The following STRA6 variants were observed in gnomAD, a reference collection of about 807,000 sequenced individuals.
STRA6 encodes signaling receptor and transporter of retinol STRA6.
Under a neutral mutation model 83.6 loss-of-function variants are expected in STRA6, and 48 were observed. That is an observed-to-expected ratio of 0.57 (90% confidence interval 0.46 to 0.73). STRA6 has a LOEUF of 0.73. STRA6 is among the 30% of genes least tolerant of loss of function. The probability of loss-of-function intolerance (pLI) is 0.00; values close to 1 mark genes in which losing one functional copy is unlikely to be tolerated. For missense variants in STRA6, 760 were observed against 838.8 expected (o/e 0.91, Z 1.16); for synonymous variants, 353 against 362.3 (o/e 0.97, Z 0.29).
chr15:74,187,811 T>C lies in STRA6; in HGVS notation c.1090+1304A>G, dbSNP rs115157946. Among the ~76,000 whole-genome samples the C allele has an allele frequency of 3.7e-3, 563 of 152,322 alleles. 3 individuals are homozygous for C. Among genetic ancestry groups the C allele is most frequent in the African/African-American group, 0.011 (478 of 41,566 alleles). ...AAACTGCAACATGCAATTAAAAATA[T>C]AAGACATGATGAGTGGAAGCAGAGT... On this transcript the variant is annotated intron_variant, in intron 12 of 18. Coordinates refer to ENST00000395105, the MANE Select transcript of STRA6 (RefSeq NM_022369.4).
intron 2 of STRA6, among the ~76,000 whole-genome samples, chr15:74,198,482 C>T (rs2073922120): frequency 6.6e-6 from 1 of 152,188 alleles, no homozygotes; most frequent in Middle Eastern, 3.2e-3. Flanking sequence ...GCCCCTCTGA[C>T]TGCTCCTGGT....
intron 8 of STRA6, among the ~76,000 whole-genome samples, chr15:74,192,398 C>T (rs2073592233): frequency 6.6e-6 from 1 of 152,148 alleles, no homozygotes; most frequent in South Asian, 2.1e-4. Flanking sequence ...CTCAGAACTC[C>T]CTGCCTGCCA....
intron 2 of STRA6, among the ~76,000 whole-genome samples, chr15:74,199,598 A>T (rs970510620): frequency 1.3e-5 from 2 of 152,144 alleles, no homozygotes; most frequent in African/African-American, 4.8e-5. Context: ...ACCTTACCCC[A>T]AACCACCCCT....
chr15:74,185,091 G>T, intron 12 of STRA6, 36 bp from the exon 13 acceptor site: 1 of 1,606,536 alleles, frequency 6.2e-7, no homozygotes, highest in South Asian at 1.1e-5. Flanking sequence ...GAGAGGTCAG[G>T]GTCTGGAGAG....
upstream of STRA6, chr15:74,203,007 C>G (rs1169480749): frequency 3.0e-6 from 3 of 986,272 alleles, no homozygotes; most frequent in Admixed American, 6.1e-5. Flanking sequence ...ACATACCTGC[C>G]TTCAGCGCCT....
chr15:74,205,766 C>T (rs150762459), upstream of STRA6, among the ~76,000 whole-genome samples: 29 of 152,336 alleles, frequency 1.9e-4, no homozygotes, highest in Non-Finnish European at 3.4e-4. Context: ...ACGGAGAGCC[C>T]AGTGCCAACA....
At chr15:74,194,321 T>C (rs2073705210) in intron 7 of STRA6, 2 of 1,147,584 alleles carry the variant, frequency 1.7e-6, no homozygotes, top group African/African-American at 1.6e-5. Context: ...ATCAGGAAAG[T>C]CTATGCCCTA....
At chr15:74,196,187 A>T in intron 4 of STRA6, 40 bp from the exon 5 acceptor site, 1 of 1,610,544 alleles carries the variant, frequency 6.2e-7, no homozygotes, top group Non-Finnish European at 8.5e-7. Context: ...GGAGTTGCTC[A>T]GCCCCTGCAC....
chr15:74,209,059 C>G (rs2074326967), upstream of STRA6: 2 of 1,209,492 alleles, frequency 1.7e-6, no homozygotes, highest in Non-Finnish European at 2.1e-6. Context: ...CTCCCCCCTT[C>G]TCCAGTCTGG....
intron 17 of STRA6, 48 bp from the exon 18 acceptor site, chr15:74,180,985 T>C (rs1479365211): frequency 1.2e-6 from 2 of 1,608,850 alleles, no homozygotes; most frequent in Non-Finnish European, 1.7e-6. Context: ...GGGGCCACAC[T>C]GGAGGCATCC....
chr15:74,182,481 AG>A (rs1380354029), intron 14 of STRA6, 21 bp from the exon 15 acceptor site: 1 of 1,584,924 alleles, frequency 6.3e-7, no homozygotes, highest in Non-Finnish European at 8.6e-7. Context: ...CGGGAGTGGC[AG>A]GGGGACAGAA....
At chr15:74,192,827 A>C (rs2073613767) in intron 8 of STRA6, among the ~76,000 whole-genome samples, 1 of 152,092 alleles carries the variant, frequency 6.6e-6, no homozygotes, top group Non-Finnish European at 1.5e-5. Context: ...CTCTCTCACC[A>C]GAAAGAAGTA....
chr15:74,211,190 C>CT (rs2074364292), upstream of STRA6, among the ~76,000 whole-genome samples: 2 of 151,000 alleles, frequency 1.3e-5, no homozygotes, highest in Admixed American at 1.3e-4. Flanking sequence ...CACCTCACTG[C>CT]TTTTTCCCCC....
At position 74,197,245 on chromosome 15, in the gene STRA6, T is replaced by C. The variant is rs1595856079; in HGVS notation, c.266+93A>G. 3.3e-5 allele frequency: 29 copies of C among 888,006 alleles called. No individual in the cohort carries two copies. The East Asian group carries it at 7.7e-4, about 24-fold the overall frequency. 55.0% of individuals were successfully genotyped at this position (888,006 alleles called of 1,614,324 possible). On this transcript the variant is annotated intron_variant, in intron 4 of 18. Transcript: ENST00000395105. ...ATAGGGATGTCATTAAAGCCAGAGC[T>C]GCCTTTTAGGTACCTAACAAATCAC...
intron 12 of STRA6, among the ~76,000 whole-genome samples, chr15:74,185,556 TG>T (rs2073205255): frequency 6.6e-6 from 1 of 152,216 alleles, no homozygotes; most frequent in Non-Finnish European, 1.5e-5. Flanking sequence ...TCCACATCGG[TG>T]TGGACTGAGT....
chr15:74,196,365 C>G (rs1358935362), intron 4 of STRA6: 1 of 705,196 alleles, frequency 1.4e-6, no homozygotes, highest in East Asian at 2.9e-5. Context: ...GACACACATA[C>G]AGTGGGAAGA....
intron 11 of STRA6, among the ~76,000 whole-genome samples, chr15:74,190,075 C>T (rs1660112554): frequency 6.6e-6 from 1 of 152,162 alleles, no homozygotes; most frequent in Non-Finnish European, 1.5e-5. Context: ...CATCGTATAT[C>T]AGAAATTTGA....
intron 11 of STRA6, among the ~76,000 whole-genome samples, chr15:74,189,659 A>T (rs73431471): frequency 0.022 from 3,391 of 151,558 alleles, 139 homozygotes; most frequent in African/African-American, 0.077. Flanking sequence ...CAGTAGGACA[A>T]CTTCTTCTTT....
Position 74,202,651 on chromosome 15 carries a change from C to T in STRA6, c.-16+62G>A, listed in dbSNP as rs2074133780. The T allele has an allele frequency of 1.4e-5, 20 of 1,403,280 alleles. No homozygotes were observed. The South Asian group carries it at 3.5e-4, about 24-fold the overall frequency. The allele number at this position is 1,403,280 out of a possible 1,614,324, so 86.9% of individuals were successfully genotyped here. ...AAGAAGGCTTGTCCAGTCTGAGCTG[C>T]CTAAAGAGACGCCCCTTCCTTCCCC... is the stretch of plus-strand genomic sequence containing the variant. On this transcript the variant is annotated intron_variant, in intron 1 of 18. Coordinates refer to ENST00000395105, the MANE Select transcript of STRA6 (RefSeq NM_022369.4).
Sources: allele counts gnomAD v4.1 joint callset (sites outside exome capture counted in the v4.1 genomes callset), GRCh38; gene constraint gnomAD v4.1.1; transcripts MANE v1.5; gene names NCBI Gene and HGNC (gene_info 2026-07-23, HGNC 2026-07-21).